Variants in ENTREP2 observed in about 807,000 individuals in gnomAD.
ENTREP2 encodes the protein protein ENTREP2.
the ENTREP2 span, among the ~76,000 whole-genome samples, chr15:29,350,990 A>G: frequency 2.0e-5 from 3 of 152,332 alleles, no homozygotes; most frequent in Admixed American, 1.3e-4. Context: ...TACATTTCAT[A>G]AGAGATAAGA....
At chr15:29,524,564 G>A in the ENTREP2 span, among the ~76,000 whole-genome samples, 40 of 152,324 alleles carry the variant, frequency 2.6e-4, no homozygotes, top group African/African-American at 9.1e-4. Context: ...CGTAGGTCAC[G>A]GAAGAGAACC....
At chr15:29,403,593 G>A in the ENTREP2 span, among the ~76,000 whole-genome samples, 1 of 152,166 alleles carries the variant, frequency 6.6e-6, no homozygotes, top group Non-Finnish European at 1.5e-5. Context: ...AAGCTGTCTG[G>A]TAGACAAATT....
the ENTREP2 span, among the ~76,000 whole-genome samples, chr15:29,629,563 T>C: frequency 1.3e-5 from 2 of 152,326 alleles, no homozygotes; most frequent in East Asian, 3.9e-4. Flanking sequence ...TGTAGAAACT[T>C]TACTTCCCTT....
chr15:29,569,640 A>C, the ENTREP2 span: 1 of 152,216 alleles, frequency 6.6e-6, no homozygotes, highest in Non-Finnish European at 1.5e-5. Flanking sequence ...CATAACGTCC[A>C]TTCTTTGTTA....
At chr15:29,348,220 G>A in the ENTREP2 span, among the ~76,000 whole-genome samples, 42 of 152,236 alleles carry the variant, frequency 2.8e-4, 1 homozygote, top group African/African-American at 8.2e-4. Context: ...TTGGGCATGC[G>A]GCAGTGAATA....
chr15:29,225,166 A>G, the ENTREP2 span, among the ~76,000 whole-genome samples: 50,111 of 152,142 alleles, frequency 0.33, 9,664 homozygotes, highest in East Asian at 0.6. Flanking sequence ...AACAGGCTCC[A>G]GCCTTGGCCA....
chr15:29,524,576 T>C, the ENTREP2 span, among the ~76,000 whole-genome samples: 1 of 152,208 alleles, frequency 6.6e-6, no homozygotes, highest in Non-Finnish European at 1.5e-5. Context: ...AAGAGAACCA[T>C]GGAACCCAGC....
the ENTREP2 span, chr15:29,234,654 C>T: frequency 6.4e-6 from 10 of 1,563,038 alleles, no homozygotes; most frequent in East Asian, 2.2e-5. Context: ...GTTCTATCTT[C>T]ACCACAAGAG....
At chr15:29,172,997 C>A in the ENTREP2 span, among the ~76,000 whole-genome samples, 1 of 152,196 alleles carries the variant, frequency 6.6e-6, no homozygotes, top group Non-Finnish European at 1.5e-5. Context: ...CTGGCTGGCA[C>A]CCTCTGCAGC....
the ENTREP2 span, among the ~76,000 whole-genome samples, chr15:29,433,727 G>C: frequency 6.7e-6 from 1 of 149,942 alleles, no homozygotes; most frequent in Non-Finnish European, 1.5e-5. Context: ...GCTACTGGCT[G>C]TCCCTCAAGG....
the ENTREP2 span, among the ~76,000 whole-genome samples, chr15:29,477,175 A>C: frequency 6.6e-6 from 1 of 152,190 alleles, no homozygotes; most frequent in Non-Finnish European, 1.5e-5. Context: ...TGTTGTATGA[A>C]TCCATTTATA....
At chr15:29,129,715 A>G in the ENTREP2 span, among the ~76,000 whole-genome samples, 1 of 152,218 alleles carries the variant, frequency 6.6e-6, no homozygotes, top group South Asian at 2.1e-4. Context: ...GGGGAAGGCT[A>G]TACCTCCTCT....
the ENTREP2 span, among the ~76,000 whole-genome samples, chr15:29,587,167 G>GTGTGTGTA: frequency 2.8e-5 from 4 of 140,778 alleles, no homozygotes; most frequent in Non-Finnish European, 6.4e-5. Context: ...GTGTGTGTGT[G>GTGTGTGTA]TGTGTGTGTG....
chr15:29,155,118 T>TAA, the ENTREP2 span, among the ~76,000 whole-genome samples: 1 of 122,346 alleles, frequency 8.2e-6, no homozygotes, highest in African/African-American at 2.5e-5. Context: ...CCGTCTCTAC[T>TAA]AAAAATACAA....
At chr15:29,524,297 A>T in the ENTREP2 span, among the ~76,000 whole-genome samples, 2 of 152,214 alleles carry the variant, frequency 1.3e-5, no homozygotes, top group African/African-American at 4.8e-5. Context: ...CAGGAGGGAA[A>T]AGCACATCAA....
chr15:29,204,669 A>G, the ENTREP2 span, among the ~76,000 whole-genome samples: 1 of 152,096 alleles, frequency 6.6e-6, no homozygotes, highest in Admixed American at 6.5e-5. Flanking sequence ...GACAGGTAAA[A>G]ATGCAGAGTG....
the ENTREP2 span, chr15:29,233,900 G>A: frequency 1.2e-5 from 19 of 1,577,846 alleles, no homozygotes; most frequent in South Asian, 2.1e-4. Context: ...TGTAGAGGAT[G>A]TAGATGGCTG....
the ENTREP2 span, among the ~76,000 whole-genome samples, chr15:29,621,822 A>T: frequency 6.6e-6 from 1 of 152,190 alleles, no homozygotes; most frequent in Admixed American, 6.5e-5. Flanking sequence ...CTGCGTTCGA[A>T]GCACTATCAT....
At chr15:29,463,581 T>C in the ENTREP2 span, among the ~76,000 whole-genome samples, 1 of 152,148 alleles carries the variant, frequency 6.6e-6, no homozygotes, top group South Asian at 2.1e-4. Context: ...GAACTATCAA[T>C]GTGGCAAGTT....
Sources: allele counts gnomAD v4.1 joint callset (sites outside exome capture counted in the v4.1 genomes callset), GRCh38; gene constraint gnomAD v4.1.1; transcripts MANE v1.5; gene names NCBI Gene and HGNC (gene_info 2026-07-23, HGNC 2026-07-21).